Variants in NCAPH observed in about 807,000 individuals in gnomAD.
NCAPH encodes the protein non-SMC condensin I complex subunit H.
Under a neutral mutation model 85.5 loss-of-function variants are expected in NCAPH, and 38 were observed. The ratio of observed to expected loss-of-function variants is 0.44; its 90% CI spans 0.34 to 0.58. The LOEUF (loss-of-function observed/expected upper bound fraction) is 0.58. Among genes scored for constraint, NCAPH ranks in the 20% least tolerant of loss-of-function variants. NCAPH has a pLI of 0.01. For missense variants in NCAPH, 789 were observed against 916.6 expected, an observed-to-expected ratio of 0.86 and a Z score of 1.80; for synonymous variants, 301 against 335.1, an observed-to-expected ratio of 0.90 and a Z score of 1.11.
chr2:96,344,018 C>A, intron 5 of NCAPH, 87 bp from the exon 6 acceptor site: 1 of 1,504,068 alleles, frequency 6.6e-7, no homozygotes, highest in Non-Finnish European at 8.9e-7. Context: ...GTTTAAATTA[C>A]GACAGGTTTT....
At chr2:96,369,646 C>T in intron 17 of NCAPH, 146 bp downstream of exon 17, 1 of 794,730 alleles carries the variant, frequency 1.3e-6, no homozygotes, top group South Asian at 1.6e-5. Flanking sequence ...AATGATTAGC[C>T]AGGCATCTAG....
chr2:96,341,315 T>TTA, intron 1 of NCAPH: 1 of 247,402 alleles, frequency 4.0e-6, no homozygotes, highest in South Asian at 6.7e-5. Flanking sequence ...GCATGATGGG[T>TTA]TATATATGTC....
At chr2:96,361,041 T>C (rs1186312229) in intron 12 of NCAPH, among the ~76,000 whole-genome samples, 3 of 65,416 alleles carry the variant, frequency 4.6e-5, no homozygotes, top group Admixed American at 2.0e-4. Context: ...TGCTTTCTCC[T>C]TTTTTTTTTT....
chr2:96,365,790 G>A, intron 13 of NCAPH, 86 bp from the exon 14 acceptor site: 1 of 1,360,682 alleles, frequency 7.3e-7, no homozygotes, highest in Non-Finnish European at 1.0e-6. Flanking sequence ...GTCTCTTCTT[G>A]CTTTGTAAAC....
intron 17 of NCAPH, among the ~76,000 whole-genome samples, chr2:96,370,933 G>A (rs949765818): frequency 2.6e-5 from 4 of 152,192 alleles, no homozygotes; most frequent in Non-Finnish European, 4.4e-5. Context: ...GGCGGTGACC[G>A]GTGACTGCGG....
chr2:96,353,001 G>C (rs998132342), intron 7 of NCAPH, among the ~76,000 whole-genome samples: 1 of 152,222 alleles, frequency 6.6e-6, no homozygotes, highest in African/African-American at 2.4e-5. Context: ...ATAGGTCACA[G>C]AATTCATTTC....
At chr2:96,369,398 C>T (rs1452680259) in intron 16 of NCAPH, 27 bp from the exon 17 acceptor site, 16 of 1,595,888 alleles carry the variant, frequency 1.0e-5, no homozygotes, top group Non-Finnish European at 1.4e-5. Context: ...TTGGCAGTGA[C>T]CTAAATACTT....
intron 8 of NCAPH, 39 bp from the exon 9 acceptor site, chr2:96,354,144 T>C: frequency 6.3e-7 from 1 of 1,591,596 alleles, no homozygotes; most frequent in Non-Finnish European, 8.6e-7. Context: ...GGGGTGGTTA[T>C]AGGAATGAGA....
intron 8 of NCAPH, among the ~76,000 whole-genome samples, 171 bp from the exon 9 acceptor site, chr2:96,354,012 A>G (rs2064485903): frequency 1.3e-5 from 2 of 152,046 alleles, no homozygotes; most frequent in African/African-American, 4.8e-5. Flanking sequence ...CCCTCACTGT[A>G]CTATCGTGAG....
At chr2:96,364,672 T>G (rs2064670900) in intron 13 of NCAPH, 81 bp downstream of exon 13, 3 of 1,028,830 alleles carry the variant, frequency 2.9e-6, no homozygotes, top group South Asian at 2.7e-5. Context: ...CCATTTTATA[T>G]GGTGGGAGAC....
chr2:96,335,981 C>T, intron 1 of NCAPH, 133 bp downstream of exon 1: 2 of 945,712 alleles, frequency 2.1e-6, no homozygotes, highest in South Asian at 6.1e-5. Flanking sequence ...CTGCGGCTGA[C>T]AGCAGAGGCC....
chr2:96,365,929 G>A lies in NCAPH; in HGVS notation c.1752G>A (p.Gly584=). 3 of 1,614,188 alleles carry A rather than the reference G, an allele frequency of 1.9e-6. No individual in the cohort carries two copies. Among genetic ancestry groups the A allele is most frequent in the Non-Finnish European group, 2.5e-6 (3 of 1,180,040 alleles). The change falls in exon 14 of 18, where the codon GGG becomes GGA. Residue 584 remains glycine, a synonymous_variant. Transcript: ENST00000240423. ...DLDDLFVGPV[G]NSDLSPYPCH... ...ATGACTTATTTGTGGGACCTGTTGG[G>A]AACTCTGACCTCTCACCTTATCCTT...
intron 12 of NCAPH, among the ~76,000 whole-genome samples, chr2:96,361,654 G>A (rs2064611200): frequency 6.6e-6 from 1 of 150,822 alleles, no homozygotes; most frequent in African/African-American, 2.4e-5. Context: ...CACATCCTCT[G>A]CTTACTTGCA....
intron 6 of NCAPH, among the ~76,000 whole-genome samples, chr2:96,351,498 G>A (rs531487750): frequency 7.9e-5 from 12 of 152,020 alleles, no homozygotes; most frequent in Admixed American, 1.3e-4. Context: ...ATGAAACCCC[G>A]TCTCTACTAA....
rs1263125673 is a variant in NCAPH at position 96,374,262 on chromosome 2, T to C, written c.*911T>C. On this transcript the variant is annotated 3_prime_UTR_variant, in exon 18 of 18. Coordinates refer to ENST00000240423, the MANE Select transcript of NCAPH (RefSeq NM_015341.5). ...TGCCTCCAGAGTCTGCTCTCGGCCA[T>C]TGTGCTATGTGCTACCTGGATAGGT... Among the ~76,000 whole-genome samples the C allele has an allele frequency of 6.6e-6, 1 of 152,226 alleles. No individual in the cohort carries two copies. Among genetic ancestry groups the C allele is most frequent in the Non-Finnish European group, 1.5e-5 (1 of 68,036 alleles).
chr2:96,345,542 C>T (rs2064351315), intron 6 of NCAPH, among the ~76,000 whole-genome samples: 1 of 152,192 alleles, frequency 6.6e-6, no homozygotes. Flanking sequence ...GCCTTCTCTC[C>T]CTTGGAGCCT....
At chr2:96,367,512 G>A in intron 15 of NCAPH, 139 bp downstream of exon 15, 1 of 599,086 alleles carries the variant, frequency 1.7e-6, no homozygotes, top group Non-Finnish European at 3.0e-6. Context: ...GCTGGGCATG[G>A]TGGCTCACAC....
At chr2:96,338,000 C>T (rs2064238178) in intron 1 of NCAPH, among the ~76,000 whole-genome samples, 4 of 151,774 alleles carry the variant, frequency 2.6e-5, no homozygotes, top group African/African-American at 9.7e-5. Flanking sequence ...GATCTTGGCT[C>T]ACTGCAACCT....
In NCAPH at chr2:96,343,258, G is replaced by T. The variant is rs1355002623; in HGVS notation, c.549G>T (p.Leu183=). The change falls in exon 5 of 18, where the codon CTG becomes CTT. Residue 183 remains leucine (L), a synonymous_variant. Coordinates refer to ENST00000240423, the MANE Select transcript of NCAPH (RefSeq NM_015341.5). ...ATGTATACAGAGTCCTTGGGGGGCT[G>T]GGCAAAGATGCACCGTCTTTGGAAG... ...HADVYRVLGG[L]GKDAPSLEEV... The T allele has an allele frequency of 1.2e-6, 2 of 1,613,492 alleles. No individual in the cohort carries two copies. Among genetic ancestry groups the T allele is most frequent in the Non-Finnish European group, 1.7e-6 (2 of 1,179,722 alleles).
Sources: gnomAD v4.1 joint callset for allele counts (sites outside exome capture counted in the v4.1 genomes callset) on GRCh38, gnomAD v4.1.1 for gene constraint, MANE v1.5 for transcripts, NCBI Gene and HGNC (gene_info 2026-07-23, HGNC 2026-07-21) for gene names.